The following DMD variants were observed in gnomAD, a reference collection of about 807,000 sequenced individuals.
The protein encoded by DMD is mutant dystrophin.
Under a neutral mutation model 330.1 loss-of-function variants are expected in DMD, and 63 were observed. The observed-to-expected ratio is 0.19, with a 90% CI of 0.16 to 0.24. DMD has a LOEUF of 0.24. Among genes scored for constraint, DMD ranks in the 10% least tolerant of loss-of-function variants. DMD has a pLI of 1.00. For synonymous variants in DMD, 1,223 were observed against 959.8 expected (o/e 1.27, Z -5.07); for missense variants, 3,344 against 2,684.1 (o/e 1.25, Z -5.43).
chrX:33,038,974 A>C (rs2094251382), intron 1 of DMD, among the ~76,000 whole-genome samples: 1 of 111,667 alleles, frequency 9.0e-6, no homozygotes, highest in Admixed American at 9.5e-5. Context: ...AGCCTGGGTG[A>C]CAGAGCGAGG....
At chrX:31,272,678 C>T (rs1054958155) in intron 62 of DMD, among the ~76,000 whole-genome samples, 8 of 112,309 alleles carry the variant, frequency 7.1e-5, no homozygotes, top group African/African-American at 9.7e-5. Context: ...GGGAAGTCTG[C>T]GTCTCTTCTC....
intron 62 of DMD, among the ~76,000 whole-genome samples, chrX:31,281,971 GTTCT>G (rs2052646718): frequency 1.0e-5 from 1 of 97,996 alleles, no homozygotes; most frequent in African/African-American, 5.0e-5. Flanking sequence ...TAGAGAAATG[GTTCT>G]TTATTTCTGA....
intron 1 of DMD, among the ~76,000 whole-genome samples, chrX:33,195,131 C>T (rs1170531221): frequency 9.0e-6 from 1 of 111,471 alleles, no homozygotes; most frequent in African/African-American, 3.3e-5. Flanking sequence ...CAGATTAAAA[C>T]AGATGAAAGA....
intron 51 of DMD, among the ~76,000 whole-genome samples, chrX:31,732,160 A>G (rs1028798712): frequency 1.0e-5 from 1 of 97,009 alleles, no homozygotes; most frequent in Non-Finnish European, 2.0e-5. Context: ...GAGGTTCACA[A>G]CTGCAGTACA....
intron 2 of DMD, among the ~76,000 whole-genome samples, chrX:32,941,715 C>G (rs1238335013): frequency 9.0e-6 from 1 of 110,863 alleles, no homozygotes; most frequent in African/African-American, 3.3e-5. Flanking sequence ...TACTCAGTAC[C>G]TGGGTGACAG....
chrX:32,551,778 A>C (rs774177776), intron 16 of DMD, among the ~76,000 whole-genome samples: 2 of 111,867 alleles, frequency 1.8e-5, no homozygotes, highest in Non-Finnish European at 3.8e-5. Flanking sequence ...AACCTCAGCA[A>C]AGTTTCAGCA....
chrX:31,509,966 T>A (rs968371810), intron 55 of DMD, among the ~76,000 whole-genome samples: 8 of 112,223 alleles, frequency 7.1e-5, no homozygotes, highest in South Asian at 3.7e-4. Flanking sequence ...GATACTGGGA[T>A]AAAGACTCCT....
chrX:33,078,325 T>C (rs1039173663), intron 1 of DMD, among the ~76,000 whole-genome samples: 16 of 112,202 alleles, frequency 1.4e-4, no homozygotes, highest in African/African-American at 5.2e-4. Context: ...CTTGGTAAAA[T>C]GACCAATTTC....
At chrX:32,996,128 G>C (rs1370774340) in intron 2 of DMD, among the ~76,000 whole-genome samples, 8 of 111,652 alleles carry the variant, frequency 7.2e-5, no homozygotes, top group African/African-American at 2.6e-4. Context: ...CTCAAACCTT[G>C]TTCGATGTAC....
intron 47 of DMD, 106 bp from the exon 48 acceptor site, chrX:31,875,479 C>A: frequency 1.6e-6 from 1 of 629,506 alleles, no homozygotes; most frequent in Non-Finnish European, 2.4e-6. Flanking sequence ...ATTACAGAAT[C>A]TTACTGATTT....
chrX:32,769,523 T>C (rs1466087900), intron 7 of DMD, among the ~76,000 whole-genome samples: 4 of 112,084 alleles, frequency 3.6e-5, no homozygotes, highest in Non-Finnish European at 7.5e-5. Context: ...GGGCTACATA[T>C]AAACTATTGT....
intron 47 of DMD, among the ~76,000 whole-genome samples, chrX:31,925,599 C>T (rs1051829637): frequency 1.8e-5 from 2 of 111,168 alleles, no homozygotes; most frequent in Non-Finnish European, 3.8e-5. Context: ...TGGCCAGGTG[C>T]GGTGGCTCAC....
At chrX:33,190,973 TA>T (rs376954910) in intron 1 of DMD, among the ~76,000 whole-genome samples, 1 of 903 alleles carries the variant, frequency 1.1e-3, no homozygotes, top group South Asian at 0.048. Flanking sequence ...ATATAATATA[TA>T]ATATTATATA....
chrX:31,263,452 G>A (rs1020986936), intron 62 of DMD, among the ~76,000 whole-genome samples: 23 of 111,795 alleles, frequency 2.1e-4, no homozygotes, highest in Admixed American at 1.6e-3. Flanking sequence ...ATTATGAAAA[G>A]GGTTTTAGAA....
chrX:32,317,821 G>C (rs1396339576), intron 41 of DMD, among the ~76,000 whole-genome samples: 1 of 92,039 alleles, frequency 1.1e-5, no homozygotes, highest in Non-Finnish European at 2.2e-5. Context: ...ACCAAAAACA[G>C]TAAAATAGTG....
intron 47 of DMD, among the ~76,000 whole-genome samples, chrX:31,903,240 G>A (rs758869152): frequency 3.6e-5 from 4 of 111,495 alleles, no homozygotes; most frequent in Non-Finnish European, 7.6e-5. Context: ...CTTAGGTTTT[G>A]TAATTTGGTG....
chrX:31,998,169 G>A (rs2095602274), intron 44 of DMD, among the ~76,000 whole-genome samples: 1 of 111,679 alleles, frequency 9.0e-6, no homozygotes, highest in Non-Finnish European at 1.9e-5. Flanking sequence ...GTATAAATCA[G>A]CTGAGTTTCT....
intron 36 of DMD, among the ~76,000 whole-genome samples, chrX:32,364,079 G>C (rs2097846232): frequency 8.9e-6 from 1 of 111,766 alleles, no homozygotes; most frequent in African/African-American, 3.2e-5. Context: ...CTAAAAGAAA[G>C]AACCCAAAGC....
intron 1 of DMD, among the ~76,000 whole-genome samples, chrX:33,237,250 C>CT (rs1352867268): frequency 8.5e-5 from 7 of 82,117 alleles, no homozygotes; most frequent in South Asian, 8.6e-4. Flanking sequence ...TTCTTTCTCT[C>CT]TTTTTTTTTT....
Sources: gnomAD v4.1 joint callset for allele counts (sites outside exome capture counted in the v4.1 genomes callset) on GRCh38, gnomAD v4.1.1 for gene constraint, MANE v1.5 for transcripts, NCBI Gene and HGNC (gene_info 2026-07-23, HGNC 2026-07-21) for gene names.